TTBK2: variants seen among roughly 807,000 people sequenced by gnomAD.
TTBK2 encodes the protein tau-tubulin kinase 2.
Under a neutral mutation model 110.8 loss-of-function variants are expected in TTBK2, and 28 were observed. The observed-to-expected ratio is 0.25, with a 90% confidence interval of 0.19 to 0.35. The LOEUF is 0.35. Ranked by LOEUF, TTBK2 falls within the 10% of genes least tolerant of loss-of-function variation. The pLI is 1.00. For synonymous variants in TTBK2, 532 were observed against 527.3 expected (o/e 1.01, Z -0.12); for missense variants, 1,369 against 1,500.3 (o/e 0.91, Z 1.45).
In TTBK2 at chr15:42,764,884, G is replaced by A. The variant is rs573374536; in HGVS notation, c.1998+10251C>T. ...GCTGAGTGTCACCTCATATAGCCAG[G>A]TGCCCCTCTGAGACGAAGCTTCCAG... On this transcript the variant is annotated intron_variant, in intron 13 of 14. Coordinates refer to ENST00000267890, the MANE Select transcript of TTBK2 (RefSeq NM_173500.4). Among the ~76,000 whole-genome samples the A allele has an allele frequency of 7.2e-5, 11 of 152,346 alleles. No individual in the cohort carries two copies. The South Asian group carries it at 1.9e-3, about 26-fold the overall frequency.
chr15:42,744,026 A>G lies in TTBK2; in HGVS notation c.*1769T>C, dbSNP rs1394805939. On this transcript the variant is annotated 3_prime_UTR_variant, in exon 15 of 15. Coordinates refer to ENST00000267890, the MANE Select transcript of TTBK2 (RefSeq NM_173500.4). Reference sequence around the variant, plus strand: ...TAATTTACCATGAAGACATGCAAGTAGTGTTATAGCAACTATTATACAATA... The same window carrying G: ...TAATTTACCATGAAGACATGCAAGTGGTGTTATAGCAACTATTATACAATA... 6.6e-6 allele frequency: 1 copy of G among 152,212 alleles called. No homozygotes were observed. Among genetic ancestry groups the G allele is most frequent in the African/African-American group, 2.4e-5 (1 of 41,458 alleles). 9.4% of individuals were successfully genotyped at this position (152,212 alleles called of 1,614,324 possible). A position where few individuals can be genotyped will look rare whatever the true frequency, so the allele number is the denominator to read the frequency against.
In TTBK2 at chr15:42,752,078, T is replaced by C; in HGVS notation, c.3168A>G (p.Pro1056=). Reference sequence around the variant, plus strand: ...CCTGATCTGTGTTGACCCATGAAACTGGCCTTGGAATTTTGCTCTTTCTAG... The same window carrying C: ...CCTGATCTGTGTTGACCCATGAAACCGGCCTTGGAATTTTGCTCTTTCTAG... ...SQSRKSKIPR[P]VSWVNTDQVN... The change falls in exon 14 of 15, where the codon CCA becomes CCG. Residue 1056 remains proline (P), a synonymous_variant. Coordinates refer to ENST00000267890, the MANE Select transcript of TTBK2 (RefSeq NM_173500.4). 6.2e-7 allele frequency: 1 copy of C among 1,614,204 alleles called. No homozygotes were observed. Among genetic ancestry groups the C allele is most frequent in the Non-Finnish European group, 8.5e-7 (1 of 1,180,038 alleles).
At chr15:42,818,961 T>C (rs1892167788) in intron 6 of TTBK2, among the ~76,000 whole-genome samples, 1 of 149,934 alleles carries the variant, frequency 6.7e-6, no homozygotes, top group Non-Finnish European at 1.5e-5. Context: ...CAAACAAACA[T>C]TGTCTCCATT....
intron 3 of TTBK2, among the ~76,000 whole-genome samples, chr15:42,867,708 C>A (rs561646626): frequency 1.3e-5 from 2 of 152,190 alleles, no homozygotes; most frequent in Non-Finnish European, 2.9e-5. Flanking sequence ...TGTGGAACAA[C>A]AGGAACTCTC....
At chr15:42,871,728 G>A (rs1308816887) in intron 3 of TTBK2, 1 of 299,812 alleles carries the variant, frequency 3.3e-6, no homozygotes, top group Non-Finnish European at 4.9e-6. Context: ...TATTTTTCCA[G>A]TATTGACAAT....
At position 42,747,582 on chromosome 15, in the gene TTBK2, G is replaced by C. The variant is rs1685212547; in HGVS notation, c.3273-1325C>G. On this transcript the variant is annotated intron_variant, in intron 14 of 14. Coordinates refer to ENST00000267890, the MANE Select transcript of TTBK2 (RefSeq NM_173500.4). Reference sequence around the variant, plus strand: ...CTCTCCCATGTGCAGTTCACAACAGGGTTCACGCTCCTATGGGAATCTGAT... The same window carrying C: ...CTCTCCCATGTGCAGTTCACAACAGCGTTCACGCTCCTATGGGAATCTGAT... Among the ~76,000 whole-genome samples, 4 of 152,296 alleles carry C rather than the reference G, an allele frequency of 2.6e-5. No homozygotes were observed. The South Asian group carries it at 8.3e-4, about 32-fold the overall frequency.
chr15:42,845,633 C>CAAA (rs894783459), intron 3 of TTBK2, among the ~76,000 whole-genome samples: 17 of 15,282 alleles, frequency 1.1e-3, no homozygotes, highest in Non-Finnish European at 2.5e-3. Flanking sequence ...GGCTGCATCT[C>CAAA]AAAAAAAAAA....
chr15:42,761,168 T>C lies in TTBK2; in HGVS notation c.1999-7921A>G, dbSNP rs532809621. On this transcript the variant is annotated intron_variant, in intron 13 of 14. Coordinates refer to ENST00000267890, the MANE Select transcript of TTBK2 (RefSeq NM_173500.4). Reference sequence around the variant, plus strand: ...AACTAGACCCCCATCTCTCACCTTATATAAAAATCAGCTCAAAATGGATTA... The same window carrying C: ...AACTAGACCCCCATCTCTCACCTTACATAAAAATCAGCTCAAAATGGATTA... 1.4e-4 allele frequency among the ~76,000 whole-genome samples: 21 copies of C among 152,288 alleles called. No individual in the cohort carries two copies. The South Asian group carries it at 4.1e-3, about 30-fold the overall frequency.
chr15:42,826,792 T>C (rs930768938), intron 6 of TTBK2, among the ~76,000 whole-genome samples: 2 of 152,200 alleles, frequency 1.3e-5, no homozygotes, highest in Non-Finnish European at 2.9e-5. Context: ...CTGTTCAATT[T>C]AGTTTGCCTA....
intron 1 of TTBK2, among the ~76,000 whole-genome samples, chr15:42,885,663 G>A (rs762151411): frequency 3.3e-5 from 5 of 151,926 alleles, no homozygotes; most frequent in South Asian, 2.1e-4. Flanking sequence ...AGTACCCCCC[G>A]ACCTCTTCTT....
intron 4 of TTBK2, 41 bp from the exon 5 acceptor site, chr15:42,830,119 A>T (rs199852961): frequency 6.2e-7 from 1 of 1,611,724 alleles, no homozygotes; most frequent in South Asian, 1.1e-5. Context: ...CAGTACTAAA[A>T]CTATAGTATA....
At chr15:42,751,796 C>G (rs928274740) in intron 14 of TTBK2, among the ~76,000 whole-genome samples, 178 bp downstream of exon 14, 5 of 152,072 alleles carry the variant, frequency 3.3e-5, no homozygotes, top group African/African-American at 1.2e-4. Flanking sequence ...TATTTTACCG[C>G]AATAAATTGG....
At chr15:42,885,052 A>G (rs914320384) in intron 1 of TTBK2, among the ~76,000 whole-genome samples, 1 of 152,236 alleles carries the variant, frequency 6.6e-6, no homozygotes, top group African/African-American at 2.4e-5. Context: ...AAAACCTATA[A>G]GAACTAATGA....
At chr15:42,858,107 A>G (rs546139622) in intron 3 of TTBK2, among the ~76,000 whole-genome samples, 42 of 152,068 alleles carry the variant, frequency 2.8e-4, no homozygotes, top group Admixed American at 2.5e-3. Context: ...CAACAACAAC[A>G]AAACCAAAGT....
intron 3 of TTBK2, 114 bp from the exon 4 acceptor site, chr15:42,840,547 A>G (rs756044832): frequency 2.3e-5 from 22 of 961,604 alleles, no homozygotes; most frequent in Non-Finnish European, 3.7e-5. Context: ...CATCTTGAGA[A>G]CCTTAAGGAT....
At chr15:42,905,349 T>C (rs900732644) in intron 1 of TTBK2, among the ~76,000 whole-genome samples, 2 of 152,116 alleles carry the variant, frequency 1.3e-5, no homozygotes, top group African/African-American at 4.8e-5. Flanking sequence ...TCCCAGCTCA[T>C]TGCAGCCTTG....
rs1211987682 is a variant in TTBK2 at position 42,801,646 on chromosome 15, C to T, written c.823-6845G>A. On this transcript the variant is annotated intron_variant, in intron 9 of 14. Coordinates refer to ENST00000267890, the MANE Select transcript of TTBK2 (RefSeq NM_173500.4). ...CCTTGACCTCAGGGATGATGCTGTC[C>T]ATGTCCAGGAAGCGGCTGTTGTCCA... 8.1e-6 allele frequency: 7 copies of T among 862,744 alleles called. No homozygotes were observed. The Admixed American group carries it at 1.2e-4, about 15-fold the overall frequency. 53.4% of individuals were successfully genotyped at this position (862,744 alleles called of 1,614,324 possible). A position where few individuals can be genotyped will look rare whatever the true frequency, so the allele number is the denominator to read the frequency against.
intron 3 of TTBK2, among the ~76,000 whole-genome samples, chr15:42,853,034 C>A (rs981790628): frequency 1.3e-5 from 2 of 152,138 alleles, no homozygotes; most frequent in African/African-American, 4.8e-5. Context: ...GTTGTCTAAT[C>A]CAGAAATTAC....
At chr15:42,848,557 C>T (rs905606089) in intron 3 of TTBK2, among the ~76,000 whole-genome samples, 1 of 151,318 alleles carries the variant, frequency 6.6e-6, no homozygotes, top group Non-Finnish European at 1.5e-5. Context: ...ATGGTGCGAT[C>T]TCAGCTCACT....
Sources: allele counts gnomAD v4.1 joint callset (sites outside exome capture counted in the v4.1 genomes callset), GRCh38; gene constraint gnomAD v4.1.1; transcripts MANE v1.5; gene names NCBI Gene and HGNC (gene_info 2026-07-23, HGNC 2026-07-21).